The following COPS5 variants were observed in gnomAD, a reference collection of about 807,000 sequenced individuals.
The protein encoded by COPS5 is COP9 signalosome complex subunit 5.
In COPS5, 8 loss-of-function variants were observed where a neutral mutation model predicts 44.4. The ratio of observed to expected loss-of-function variants is 0.18; its 90% CI spans 0.11 to 0.32. COPS5 has a LOEUF of 0.32. Among genes scored for constraint, COPS5 ranks in the 10% least tolerant of loss-of-function variants. The pLI, the probability that COPS5 is intolerant of heterozygous loss-of-function variation, is 1.00. For synonymous variants in COPS5, 122 were observed against 142.8 expected, an observed-to-expected ratio of 0.85 and a Z score of 1.04; for missense variants, 159 against 406.4, an observed-to-expected ratio of 0.39 and a Z score of 5.23.
intron 2 of COPS5, among the ~76,000 whole-genome samples, chr8:67,058,833 G>A (rs929410187): frequency 7.2e-5 from 11 of 151,974 alleles, no homozygotes; most frequent in South Asian, 2.1e-4. Flanking sequence ...GAGAAAACCC[G>A]TCTCTACTAA....
chr8:67,048,785 C>T (rs2129537776), intron 6 of COPS5, among the ~76,000 whole-genome samples: 1 of 150,674 alleles, frequency 6.6e-6, no homozygotes, highest in African/African-American at 2.4e-5. Flanking sequence ...GAATATAATG[C>T]ACCAAATTAA....
intron 2 of COPS5, 66 bp from the exon 3 acceptor site, chr8:67,058,277 A>G: frequency 6.6e-7 from 1 of 1,517,350 alleles, no homozygotes; most frequent in Non-Finnish European, 9.1e-7. Flanking sequence ...TACCAGTACA[A>G]TAAGGGTAAC....
chr8:67,053,768 A>C (rs1804454711), intron 5 of COPS5, among the ~76,000 whole-genome samples: 1 of 151,810 alleles, frequency 6.6e-6, no homozygotes, highest in South Asian at 2.1e-4. Flanking sequence ...GCACTTTGGG[A>C]GGCTGAGGCG....
At chr8:67,051,598 G>C (rs983630608) in intron 5 of COPS5, among the ~76,000 whole-genome samples, 2 of 152,060 alleles carry the variant, frequency 1.3e-5, no homozygotes, top group African/African-American at 4.8e-5. Flanking sequence ...TTAACAACCA[G>C]TCAAAACTTC....
At chr8:67,044,949 G>A (rs142167805) in intron 7 of COPS5, 8 of 152,152 alleles carry the variant, frequency 5.3e-5, no homozygotes, top group African/African-American at 1.7e-4. Context: ...TTGCAACTTT[G>A]TATAGCCTAT....
intron 7 of COPS5, 50 bp from the exon 8 acceptor site, chr8:67,043,367 C>A: frequency 8.5e-7 from 1 of 1,172,630 alleles, no homozygotes; most frequent in South Asian, 1.3e-5. Context: ...AAAACTATTT[C>A]AAACACACAA....
chr8:67,044,802 G>A (rs1245043875), intron 7 of COPS5: 1 of 151,946 alleles, frequency 6.6e-6, no homozygotes, highest in Non-Finnish European at 1.5e-5. Flanking sequence ...GTTTCACCAT[G>A]TTGGCCAGGC....
At chr8:67,056,498 A>G (rs753234561) in intron 5 of COPS5, 21 bp downstream of exon 5, 2 of 918,038 alleles carry the variant, frequency 2.2e-6, no homozygotes, top group South Asian at 1.5e-5. Context: ...CCTGGCCCAG[A>G]TATGTTTTTA....
chr8:67,061,750 C>T (rs1269896970), intron 1 of COPS5, 104 bp downstream of exon 1: 12 of 1,160,882 alleles, frequency 1.0e-5, no homozygotes, highest in Non-Finnish European at 1.4e-5. Context: ...TGTCCCCCTC[C>T]CAGTCGGTGA....
chr8:67,051,391 A>G (rs763616206), intron 5 of COPS5, 50 bp from the exon 6 acceptor site: 44 of 989,714 alleles, frequency 4.4e-5, no homozygotes, highest in Non-Finnish European at 6.6e-5. Flanking sequence ...AAATTCAACT[A>G]CGTCACATAA....
At chr8:67,045,639 C>G in intron 7 of COPS5, 173 bp downstream of exon 7, 1 of 643,408 alleles carries the variant, frequency 1.6e-6, no homozygotes. Flanking sequence ...CCTAAATTTT[C>G]AAAGTTAAAA....
At chr8:67,043,341 A>T in intron 7 of COPS5, 24 bp from the exon 8 acceptor site, 1 of 1,405,756 alleles carries the variant, frequency 7.1e-7, no homozygotes, top group Non-Finnish European at 1.0e-6. Flanking sequence ...CACACATCAC[A>T]TGATGTCATA....
intron 2 of COPS5, among the ~76,000 whole-genome samples, chr8:67,058,494 T>C (rs1304927301): frequency 6.6e-6 from 1 of 152,232 alleles, no homozygotes; most frequent in Admixed American, 6.5e-5. Context: ...CTCAATAAAC[T>C]GCTTTGGAGT....
chr8:67,059,202 C>G lies in COPS5; in HGVS notation c.378+9G>C. 2 of 1,605,772 alleles carry G rather than the reference C, an allele frequency of 1.2e-6. No individual in the cohort carries two copies. Among genetic ancestry groups the G allele is most frequent in the Non-Finnish European group, 1.7e-6 (2 of 1,172,714 alleles). On this transcript the variant is annotated intron_variant, in intron 2 of 7. Transcript: ENST00000357849. ...GCAATTACTAAACTATAAGAAACAA[C>G]ATTTTTACCTGTTTTGCATTTTCTA...
chr8:67,043,411 A>C, intron 7 of COPS5, 94 bp from the exon 8 acceptor site: 1 of 704,278 alleles, frequency 1.4e-6, no homozygotes, highest in East Asian at 2.8e-5. Context: ...AACTCCAATG[A>C]GTTTAGTTTT....
rs754023917 is a variant in COPS5 at position 67,061,931 on chromosome 8, A to G, written c.66T>C (p.Ala22=). 1 of 1,614,170 alleles carries G rather than the reference A, an allele frequency of 6.2e-7. No individual in the cohort carries two copies. Among genetic ancestry groups the G allele is most frequent in the Non-Finnish European group, 8.5e-7 (1 of 1,180,044 alleles). Residue 22 remains alanine, a synonymous_variant, in exon 1 of 8, where the codon GCT becomes GCC. Coordinates refer to ENST00000357849, the MANE Select transcript of COPS5 (RefSeq NM_006837.3). ...TWELANNMQE[A]QSIDEIYKYD... Reference sequence around the variant, plus strand: ...ATTTGTAGATTTCATCGATACTCTGAGCTTCCTGCATGTTGTTGGCCAGTT... The same window carrying G: ...ATTTGTAGATTTCATCGATACTCTGGGCTTCCTGCATGTTGTTGGCCAGTT...
intron 2 of COPS5, 80 bp from the exon 3 acceptor site, chr8:67,058,291 T>C: frequency 7.1e-7 from 1 of 1,401,310 alleles, no homozygotes; most frequent in East Asian, 2.4e-5. Flanking sequence ...GGGTAACCAG[T>C]CTCCTTCCCA....
chr8:67,052,757 T>G (rs1349462567), intron 5 of COPS5, among the ~76,000 whole-genome samples: 1 of 146,992 alleles, frequency 6.8e-6, no homozygotes, highest in African/African-American at 2.5e-5. Context: ...GAGGCAGAGG[T>G]TGAAGTGAGC....
chr8:67,047,891 A>G (rs1218447700), intron 6 of COPS5: 2 of 702,436 alleles, frequency 2.8e-6, no homozygotes, highest in Non-Finnish European at 5.2e-6. Context: ...AACACTTAGC[A>G]GTTTCTGGCA....
Sources: allele counts gnomAD v4.1 joint callset (sites outside exome capture counted in the v4.1 genomes callset), GRCh38; gene constraint gnomAD v4.1.1; transcripts MANE v1.5; gene names NCBI Gene and HGNC (gene_info 2026-07-23, HGNC 2026-07-21).